SLC18A1: variants seen among roughly 807,000 people sequenced by gnomAD.
SLC18A1 encodes chromaffin granule amine transporter.
A neutral mutation model predicts 53.7 loss-of-function variants in SLC18A1; 69 were observed. That is an observed-to-expected ratio of 1.28 (90% CI 1.06 to 1.57). The LOEUF (loss-of-function observed/expected upper bound fraction) is 1.57. SLC18A1 is among the 40% of genes most tolerant of loss of function. SLC18A1 has a pLI of 0.00. For synonymous variants in SLC18A1, 320 were observed against 248.1 expected, an observed-to-expected ratio of 1.29 and a Z score of -2.72; for missense variants, 932 against 668.1, an observed-to-expected ratio of 1.40 and a Z score of -4.35.
At chr8:20,177,507 G>A (rs566353827) in intron 4 of SLC18A1, among the ~76,000 whole-genome samples, 2 of 152,298 alleles carry the variant, frequency 1.3e-5, no homozygotes, top group South Asian at 4.2e-4. Context: ...GGGGAGAGGG[G>A]AGGGATAGCA....
rs777035879 is a variant in SLC18A1, at chr8:20,173,029, C to T, written c.724+7G>A. The T allele has an allele frequency of 8.9e-6, 14 of 1,578,528 alleles. No homozygotes were observed. The East Asian group carries it at 3.0e-4, about 34-fold the overall frequency. Reference sequence around the variant, plus strand: ...CCGAACCCAGAGCTCCAGCTGGTGCCACTTACCCAGCAACCCCAAGGCCAG... The same window carrying T: ...CCGAACCCAGAGCTCCAGCTGGTGCTACTTACCCAGCAACCCCAAGGCCAG... On this transcript the variant is annotated splice_region_variant and intron_variant, in intron 6 of 15. Transcript: ENST00000276373.
intron 10 of SLC18A1, among the ~76,000 whole-genome samples, chr8:20,156,564 G>A (rs967871290): frequency 6.6e-6 from 1 of 152,148 alleles, no homozygotes; most frequent in Admixed American, 6.5e-5. Flanking sequence ...CTAATAATTG[G>A]TCTGCTCAAA....
chr8:20,156,237 A>G (rs2071677737), intron 10 of SLC18A1, among the ~76,000 whole-genome samples: 1 of 148,802 alleles, frequency 6.7e-6, no homozygotes, highest in Admixed American at 6.7e-5. Context: ...ACACCTCACC[A>G]GTTCAGAACT....
At position 20,174,434 on chromosome 8, in the gene SLC18A1, A is replaced by G. The variant is rs2072206424; in HGVS notation, c.558T>C (p.Phe186=). 6.2e-7 allele frequency: 1 copy of G among 1,613,570 alleles called. No homozygotes were observed. Among genetic ancestry groups the G allele is most frequent in the Non-Finnish European group, 8.5e-7 (1 of 1,179,558 alleles). ...CAAAGAGTAGAGTATAGGTCCCAGA[A>G]AAAGCAAACACTGGGCAGAGAGAAT... is the stretch of plus-strand genomic sequence containing the variant. ...IMFLSTVMFA[F]SGTYTLLFVA... is the part of the protein sequence containing the mutation. Residue 186 remains phenylalanine (F), a synonymous_variant, in exon 5 of 16, where the codon TTT becomes TTC. Coordinates refer to ENST00000276373, the MANE Select transcript of SLC18A1 (RefSeq NM_003053.4).
intron 10 of SLC18A1, among the ~76,000 whole-genome samples, chr8:20,156,002 C>T (rs189440641): frequency 5.6e-4 from 86 of 152,334 alleles, no homozygotes; most frequent in African/African-American, 1.8e-3. Context: ...CTTACCCACC[C>T]TGTGCAATAC....
chr8:20,150,545 T>C, intron 11 of SLC18A1, 121 bp downstream of exon 11: 1 of 858,902 alleles, frequency 1.2e-6, no homozygotes, highest in Non-Finnish European at 2.0e-6. Flanking sequence ...GAAGTTTTTA[T>C]CGGTGTGTAC....
intron 10 of SLC18A1, among the ~76,000 whole-genome samples, chr8:20,163,414 C>T (rs2071878720): frequency 6.6e-6 from 1 of 152,154 alleles, no homozygotes; most frequent in South Asian, 2.1e-4. Context: ...TATCCGAGGT[C>T]ACAATCAGTA....
chr8:20,157,711 C>G (rs2071718397), intron 10 of SLC18A1, among the ~76,000 whole-genome samples: 1 of 152,162 alleles, frequency 6.6e-6, no homozygotes, highest in Non-Finnish European at 1.5e-5. Context: ...CAAAAGTCCA[C>G]TTTAGGCCCA....
At chr8:20,152,357 G>C (rs1452375637) in intron 10 of SLC18A1, among the ~76,000 whole-genome samples, 2 of 152,170 alleles carry the variant, frequency 1.3e-5, no homozygotes, top group African/African-American at 4.8e-5. Context: ...TGGGTTCATG[G>C]GACAAGAGTG....
rs187635056 is a variant in SLC18A1, at chr8:20,157,760, A to T, written c.1016-7016T>A. 6.8e-3 allele frequency among the ~76,000 whole-genome samples: 1,029 copies of T among 152,278 alleles called. 16 individuals carry two copies. Among genetic ancestry groups the T allele is most frequent in the African/African-American group, 0.023 (952 of 41,560 alleles). On this transcript the variant is annotated intron_variant, in intron 10 of 15. Transcript: ENST00000276373. ...AAACCCTACTGAACTTGGCAACCTC[A>T]GTTTTTTATAATAGAGATCAGGAGG...
At chr8:20,182,496 C>T (rs1428077889) in intron 1 of SLC18A1, among the ~76,000 whole-genome samples, 2 of 152,042 alleles carry the variant, frequency 1.3e-5, no homozygotes, top group Admixed American at 6.6e-5. Flanking sequence ...TACTCAAATG[C>T]CAGTTATTTA....
rs150790381 is a variant in SLC18A1, at chr8:20,164,886, G to A, written c.998C>T (p.Ser333Phe). Residue 333 changes from serine to phenylalanine, a missense_variant, in exon 10 of 16, where the codon TCC becomes TTC. Ser to Phe is a radical substitution (Grantham distance 155). Coordinates refer to ENST00000276373, the MANE Select transcript of SLC18A1 (RefSeq NM_003053.4). ...LPIWMMQTMCSPKWQLGLAFL... is the reference protein window; with the variant it reads ...LPIWMMQTMCFPKWQLGLAFL... ...TCACTTACCCAGCTGCCACTTGGGGGAGCACATGGTCTGCATCATCCAGAT... is the reference window on the plus strand; with the variant it reads ...TCACTTACCCAGCTGCCACTTGGGGAAGCACATGGTCTGCATCATCCAGAT... 1.2e-6 allele frequency: 2 copies of A among 1,610,642 alleles called. No individual in the cohort carries two copies. The highest frequency in any genetic ancestry group is 2.2e-5 in the East Asian group (1 of 44,784).
intron 10 of SLC18A1, among the ~76,000 whole-genome samples, chr8:20,158,845 C>T (rs1465621831): frequency 6.6e-6 from 1 of 152,122 alleles, no homozygotes; most frequent in East Asian, 1.9e-4. Context: ...TTCTACATCC[C>T]TGTACATCCT....
rs935133715 is a variant in SLC18A1, at chr8:20,181,075, C to T, written c.-111G>A. 3.4e-5 allele frequency: 46 copies of T among 1,346,116 alleles called. No homozygotes were observed. The highest frequency in any genetic ancestry group is 1.8e-4 in the East Asian group (7 of 38,618). The allele number at this position is 1,346,116 out of a possible 1,614,324, so 83.4% of individuals were successfully genotyped here. On this transcript the variant is annotated 5_prime_UTR_variant, in exon 2 of 16. Transcript: ENST00000276373. Reference sequence around the variant, plus strand: ...GAAGAGGGGAGGGAGTCTGCCCAGACGAAGGAAACTCACTATTAAAACGAA... The same window carrying T: ...GAAGAGGGGAGGGAGTCTGCCCAGATGAAGGAAACTCACTATTAAAACGAA...
chr8:20,152,628 T>A (rs953524468), intron 10 of SLC18A1, among the ~76,000 whole-genome samples: 1 of 152,096 alleles, frequency 6.6e-6, no homozygotes, highest in Non-Finnish European at 1.5e-5. Context: ...GTGAGAGGTT[T>A]GAAGTGACTG....
At chr8:20,150,974 T>A in intron 10 of SLC18A1, 1 of 493,792 alleles carries the variant, frequency 2.0e-6, no homozygotes, top group Non-Finnish European at 3.7e-6. Context: ...TTTCTTTTTG[T>A]TTTCTTTCTT....
chr8:20,149,789 A>G (rs2071502507), intron 11 of SLC18A1, 62 bp from the exon 12 acceptor site: 3 of 1,487,840 alleles, frequency 2.0e-6, no homozygotes, highest in Non-Finnish European at 2.8e-6. Context: ...CCTGTACCCC[A>G]TCACCGCCAT....
At chr8:20,181,173 A>G (rs146168180) in intron 1 of SLC18A1, 86 bp from the exon 2 acceptor site, 200 of 439,558 alleles carry the variant, frequency 4.6e-4, no homozygotes, top group African/African-American at 3.8e-3. Context: ...TTCACTTCTT[A>G]TAAATCTCAA....
chr8:20,166,361 A>G lies in SLC18A1; in HGVS notation c.859-1254T>C, dbSNP rs1369524467. ...ACCAGGTGGAAAATAATAAGGAAAG[A>G]TTCTGTGAACTAGTAGAGTAATTTT... On this transcript the variant is annotated intron_variant, in intron 8 of 15. Coordinates refer to ENST00000276373, the MANE Select transcript of SLC18A1 (RefSeq NM_003053.4). 4.2e-5 allele frequency among the ~76,000 whole-genome samples: 6 copies of G among 144,036 alleles called. No individual in the cohort carries two copies. The East Asian group carries it at 1.2e-3, about 29-fold the overall frequency. The allele number at this position is 144,036 out of a possible 152,430, so 94.5% of individuals were successfully genotyped here.
Sources: gnomAD v4.1 joint callset for allele counts (sites outside exome capture counted in the v4.1 genomes callset) on GRCh38, gnomAD v4.1.1 for gene constraint, MANE v1.5 for transcripts, NCBI Gene and HGNC (gene_info 2026-07-23, HGNC 2026-07-21) for gene names.